Variants in RXFP2 observed in about 807,000 individuals in gnomAD.
RXFP2 encodes the protein relaxin family peptide receptor 2, also known as relaxin receptor 2.
RXFP2 carries 68 observed loss-of-function variants against 88.6 expected under a neutral mutation model. The observed-to-expected ratio is 0.77, with a 90% CI of 0.63 to 0.94. The LOEUF is 0.94. RXFP2 is among the 40% of genes least tolerant of loss of function. The pLI is 0.00. For missense variants in RXFP2, 791 were observed against 893.9 expected, an observed-to-expected ratio of 0.88 and a Z score of 1.47; for synonymous variants, 329 against 306.8, an observed-to-expected ratio of 1.07 and a Z score of -0.76.
chr13:31,762,954 G>A (rs1288895331), intron 3 of RXFP2, among the ~76,000 whole-genome samples: 2 of 152,070 alleles, frequency 1.3e-5, no homozygotes, highest in African/African-American at 2.4e-5. Flanking sequence ...TAATGAGGAG[G>A]AAGAGCATGT....
intron 1 of RXFP2, among the ~76,000 whole-genome samples, chr13:31,742,472 C>T (rs959931982): frequency 3.9e-5 from 6 of 152,198 alleles, no homozygotes; most frequent in Non-Finnish European, 7.3e-5. Flanking sequence ...ATCCCGAAGA[C>T]TGACCTGCTT....
In RXFP2 at chr13:31,802,130, T is replaced by G. The variant is rs372414535; in HGVS notation, c.2006-16T>G. On this transcript the variant is annotated splice_polypyrimidine_tract_variant and intron_variant, in intron 17 of 17. Transcript: ENST00000298386. ...AAAACTTCAACTTTTTTTTCACACT[T>G]TGCTTCCTTTTCCAGACACAATGAC... is the stretch of plus-strand genomic sequence containing the variant. 3.4e-4 allele frequency: 552 copies of G among 1,613,794 alleles called. No homozygotes were observed. The highest frequency in any genetic ancestry group is 8.3e-4 in the Middle Eastern group (5 of 6,048).
intron 8 of RXFP2, among the ~76,000 whole-genome samples, chr13:31,778,191 G>T (rs143775372): frequency 6.6e-6 from 1 of 152,196 alleles, no homozygotes; most frequent in African/African-American, 2.4e-5. Flanking sequence ...TGATTACAAC[G>T]TGAAGTTTAC....
At chr13:31,761,304 A>T (rs1872290520) in intron 2 of RXFP2, among the ~76,000 whole-genome samples, 1 of 152,236 alleles carries the variant, frequency 6.6e-6, no homozygotes, top group South Asian at 2.1e-4. Context: ...AAGTCAGATG[A>T]CATAAATGTT....
Position 31,755,714 on chromosome 13 carries a change from A to G in RXFP2, c.95-2544A>G, listed in dbSNP as rs191726857. ...TGCCTCTCCCTGCGTGAACAGGTTTAACAAGCCAACCCCAGTGCCATGCAG... is the reference window on the plus strand; with the variant it reads ...TGCCTCTCCCTGCGTGAACAGGTTTGACAAGCCAACCCCAGTGCCATGCAG... On this transcript the variant is annotated intron_variant, in intron 1 of 17. Transcript: ENST00000298386. Among the ~76,000 whole-genome samples, 3 of 152,296 alleles carry G rather than the reference A, an allele frequency of 2.0e-5. No individual in the cohort carries two copies. In the East Asian group the frequency reaches 5.8e-4, roughly 29 times the overall value.
rs781762163 is a variant in RXFP2 at position 31,775,330 on chromosome 13, C to A, written c.582C>A (p.His194Gln). 3.1e-6 allele frequency: 5 copies of A among 1,613,472 alleles called. No homozygotes were observed. The highest frequency in any genetic ancestry group is 3.3e-5 in the Admixed American group (2 of 59,994). The change falls in exon 7 of 18, where the codon CAC becomes CAA. Residue 194 changes from histidine to glutamine, a missense_variant. By Grantham distance (24) the His-to-Gln change is conservative. Transcript: ENST00000298386. ...ATGCTATTTGTAGATATCTCAACCA[C>A]AACTGCATCACAACCCTCAGACCTG... ...LCNLQILYLN[H>Q]NCITTLRPGI...
rs776700810 is a variant in RXFP2, at chr13:31,792,064, A to G, written c.1375+29A>G. 2.3e-5 allele frequency: 35 copies of G among 1,495,990 alleles called. No homozygotes were observed. In the Middle Eastern group the frequency reaches 6.9e-4, roughly 29 times the overall value. 92.7% of individuals were successfully genotyped at this position (1,495,990 alleles called of 1,614,324 possible). A position where few individuals can be genotyped will look rare whatever the true frequency, so the allele number is the denominator to read the frequency against. Reference sequence around the variant, plus strand: ...AGTATGTTTCCAGTATAAGTAGATTAAGGATATCTTCTGTGAGTTGTGCAC... The same window carrying G: ...AGTATGTTTCCAGTATAAGTAGATTGAGGATATCTTCTGTGAGTTGTGCAC... On this transcript the variant is annotated intron_variant, in intron 15 of 17. Transcript: ENST00000298386.
intron 5 of RXFP2, among the ~76,000 whole-genome samples, chr13:31,768,883 A>G (rs576312030): frequency 6.6e-6 from 1 of 152,148 alleles, no homozygotes; most frequent in African/African-American, 2.4e-5. Context: ...CCCAATCCTC[A>G]TTCAATGACC....
chr13:31,786,723 A>G, intron 13 of RXFP2, 86 bp downstream of exon 13: 1 of 824,428 alleles, frequency 1.2e-6, no homozygotes, highest in Non-Finnish European at 2.1e-6. Context: ...TATTTTGCAC[A>G]CAGGAGCATG....
intron 2 of RXFP2, 82 bp from the exon 3 acceptor site, chr13:31,761,642 A>C: frequency 1.1e-6 from 1 of 920,346 alleles, no homozygotes; most frequent in Non-Finnish European, 1.8e-6. Flanking sequence ...TTTTAGTTTA[A>C]AATCATTACC....
chr13:31,796,842 G>T (rs975606470), intron 16 of RXFP2, among the ~76,000 whole-genome samples: 2 of 152,142 alleles, frequency 1.3e-5, no homozygotes, highest in African/African-American at 4.8e-5. Context: ...TCTAAAATAT[G>T]GAACTTTTTG....
At chr13:31,769,931 C>G (rs1204175998) in intron 5 of RXFP2, among the ~76,000 whole-genome samples, 1 of 152,332 alleles carries the variant, frequency 6.6e-6, no homozygotes, top group South Asian at 2.1e-4. Context: ...GATCAACTAC[C>G]TTCACCCAGG....
At chr13:31,778,353 C>T (rs1210112775) in intron 8 of RXFP2, among the ~76,000 whole-genome samples, 159 bp from the exon 9 acceptor site, 1 of 152,126 alleles carries the variant, frequency 6.6e-6, no homozygotes, top group Non-Finnish European at 1.5e-5. Flanking sequence ...TAATCTTTGC[C>T]ATACACATGT....
chr13:31,747,640 A>G (rs1024059141), intron 1 of RXFP2, among the ~76,000 whole-genome samples: 2 of 152,214 alleles, frequency 1.3e-5, no homozygotes, highest in South Asian at 2.1e-4. Context: ...GGCATCTGCT[A>G]TATACTAAGA....
intron 1 of RXFP2, among the ~76,000 whole-genome samples, chr13:31,740,385 A>T (rs1871182579): frequency 1.3e-5 from 2 of 152,120 alleles, no homozygotes; most frequent in African/African-American, 4.8e-5. Context: ...GTCAGCCTAT[A>T]CATTCATAAA....
At chr13:31,747,243 G>A (rs1320988735) in intron 1 of RXFP2, among the ~76,000 whole-genome samples, 1 of 151,948 alleles carries the variant, frequency 6.6e-6, no homozygotes, top group Non-Finnish European at 1.5e-5. Context: ...AATTATATGG[G>A]CCACCTTACC....
chr13:31,781,565 A>ATT, intron 9 of RXFP2, 106 bp from the exon 10 acceptor site: 1 of 780,846 alleles, frequency 1.3e-6, no homozygotes, highest in Middle Eastern at 3.6e-4. Flanking sequence ...AGATAGTAAC[A>ATT]ACTGGAATGA....
intron 2 of RXFP2, among the ~76,000 whole-genome samples, chr13:31,759,634 A>T (rs1488965778): frequency 6.6e-6 from 1 of 151,964 alleles, no homozygotes; most frequent in Non-Finnish European, 1.5e-5. Context: ...GGCCAATTTC[A>T]CCTCTGTTTA....
At chr13:31,773,290 G>A (rs1418755313) in intron 5 of RXFP2, among the ~76,000 whole-genome samples, 2 of 152,172 alleles carry the variant, frequency 1.3e-5, no homozygotes, top group African/African-American at 4.8e-5. Context: ...TTGATGCTTT[G>A]CATATCACCA....
Sources: gnomAD v4.1 joint callset for allele counts (sites outside exome capture counted in the v4.1 genomes callset) on GRCh38, gnomAD v4.1.1 for gene constraint, MANE v1.5 for transcripts, NCBI Gene and HGNC (gene_info 2026-07-23, HGNC 2026-07-21) for gene names.